Variants in AMBRA1 observed in about 807,000 individuals in gnomAD.
AMBRA1 encodes activating molecule in BECN1-regulated autophagy protein 1.
AMBRA1 carries 47 observed loss-of-function variants against 125.4 expected under a neutral mutation model. The ratio of observed to expected loss-of-function variants is 0.37; its 90% confidence interval spans 0.30 to 0.48. The LOEUF (loss-of-function observed/expected upper bound fraction) is 0.48, where lower values mean the gene tolerates loss of function less well. Among genes scored for constraint, AMBRA1 ranks in the 20% least tolerant of loss-of-function variants. The probability of loss-of-function intolerance (pLI) is 0.99; values close to 1 mark genes in which losing one functional copy is unlikely to be tolerated. For synonymous variants in AMBRA1, 626 were observed against 655.5 expected (o/e 0.95, Z 0.69); for missense variants, 1,331 against 1,693.4 (o/e 0.79, Z 3.76).
At chr11:46,521,683 G>A (rs915928319) in intron 7 of AMBRA1, among the ~76,000 whole-genome samples, 5 of 152,344 alleles carry the variant, frequency 3.3e-5, no homozygotes, top group East Asian at 1.9e-4. Context: ...AGCAATTATC[G>A]TTTAAGTTAT....
intron 1 of AMBRA1, among the ~76,000 whole-genome samples, chr11:46,584,399 G>T (rs1446514133): frequency 1.4e-5 from 2 of 146,138 alleles, no homozygotes; most frequent in Admixed American, 6.8e-5. Flanking sequence ...GGGAGGGATA[G>T]CATTAGGAGA....
intron 17 of AMBRA1, among the ~76,000 whole-genome samples, chr11:46,406,076 CAG>C (rs1347512936): frequency 6.6e-6 from 1 of 151,284 alleles, no homozygotes; most frequent in African/African-American, 2.4e-5. Flanking sequence ...ATTTTTGAGA[CAG>C]AGTCTTGCTT....
Position 46,542,913 on chromosome 11 carries a change from CG to C in AMBRA1, c.1103del (p.Pro368ArgfsTer43). ...TGCTCTGGACTGTACTGAAGGCAGA[CG>C]GCCGGTTCAGGAGGCCCTGGTCCTG... ...TQQDQGLLNR[P>X]SAFSTVQSST... is the part of the protein sequence containing the mutation. On this transcript the variant is annotated frameshift_variant, in exon 7 of 18. Coordinates refer to ENST00000683756, the MANE Select transcript of AMBRA1 (RefSeq NM_001387011.1). LOFTEE classifies it high-confidence loss of function. This position sits in a 1 kb window ranked among gnomAD's most constrained non-coding sequence, Gnocchi z 5.9. 6.2e-7 allele frequency: 1 copy of C among 1,611,814 alleles called. No homozygotes were observed. The highest frequency in any genetic ancestry group is 8.5e-7 in the Non-Finnish European group (1 of 1,179,960).
chr11:46,443,564 G>A lies in AMBRA1; in HGVS notation c.2556C>T (p.Ala852=). 1.2e-6 allele frequency: 2 copies of A among 1,614,126 alleles called. No homozygotes were observed. The highest frequency in any genetic ancestry group is 1.1e-5 in the South Asian group (1 of 91,066). The change falls in exon 12 of 18, where the codon GCC becomes GCT. Residue 852 remains alanine, a synonymous_variant. Transcript: ENST00000683756. ...AVIGDGQSAV[A]SNIANTTYRL... ...GGTAGGTAGTATTGGCAATGTTACT[G>A]GCCACAGCAGACTGTCCATCACCGA... is the stretch of plus-strand genomic sequence containing the variant.
intron 9 of AMBRA1, chr11:46,495,466 T>A (rs759567256): frequency 6.6e-6 from 1 of 152,266 alleles, no homozygotes; most frequent in Non-Finnish European, 1.5e-5. Context: ...TATTGGAAGC[T>A]GATCCATTGA....
chr11:46,427,990 C>G (rs2136686895), intron 14 of AMBRA1, among the ~76,000 whole-genome samples: 1 of 113,190 alleles, frequency 8.8e-6, no homozygotes, highest in Non-Finnish European at 1.7e-5. Context: ...GCCTGGGCGA[C>G]AGAGGGAGAC....
At chr11:46,493,984 G>A in intron 10 of AMBRA1, 140 bp downstream of exon 10, 2 of 801,966 alleles carry the variant, frequency 2.5e-6, no homozygotes, top group Non-Finnish European at 4.0e-6. Context: ...TCCGTCAAGA[G>A]TTTAGACAGC....
At chr11:46,581,329 C>T (rs781061826) in intron 1 of AMBRA1, among the ~76,000 whole-genome samples, 9 of 151,934 alleles carry the variant, frequency 5.9e-5, no homozygotes, top group Non-Finnish European at 7.4e-5. Context: ...AAAAATTAGG[C>T]CAGGCGCAGT....
At chr11:46,557,243 G>T (rs1048328093) in intron 1 of AMBRA1, among the ~76,000 whole-genome samples, 1 of 150,290 alleles carries the variant, frequency 6.7e-6, no homozygotes, top group East Asian at 2.0e-4. Context: ...AGAGGTTGCA[G>T]TGAGCCGAGA....
chr11:46,431,222 T>C (rs916943446), intron 14 of AMBRA1, among the ~76,000 whole-genome samples: 10 of 152,194 alleles, frequency 6.6e-5, no homozygotes, highest in Non-Finnish European at 1.2e-4. Context: ...ATGGGAACTT[T>C]CTAGGTACTT....
chr11:46,507,402 T>A (rs1052354790), intron 9 of AMBRA1, among the ~76,000 whole-genome samples: 4 of 137,136 alleles, frequency 2.9e-5, no homozygotes, highest in African/African-American at 8.3e-5. Flanking sequence ...TGGCGTGAAC[T>A]CGGGAGGCGG....
chr11:46,451,423 A>G (rs570289360), intron 11 of AMBRA1, among the ~76,000 whole-genome samples: 1 of 152,294 alleles, frequency 6.6e-6, no homozygotes, highest in East Asian at 1.9e-4. Context: ...CTTCTCTCAG[A>G]AACTCTTCTC....
chr11:46,444,218 C>A (rs1948166559), intron 11 of AMBRA1, among the ~76,000 whole-genome samples: 1 of 152,166 alleles, frequency 6.6e-6, no homozygotes, highest in African/African-American at 2.4e-5. Context: ...AATTTATGAG[C>A]CTCACTTTGT....
intron 14 of AMBRA1, among the ~76,000 whole-genome samples, chr11:46,421,019 C>G (rs142845246): frequency 6.6e-6 from 1 of 152,306 alleles, no homozygotes; most frequent in East Asian, 1.9e-4. Flanking sequence ...AAGCCTCTGT[C>G]ACAAATTTAC....
intron 16 of AMBRA1, 89 bp from the exon 17 acceptor site, chr11:46,408,795 C>G: frequency 7.9e-7 from 1 of 1,268,396 alleles, no homozygotes. Context: ...ATCCTCAGGG[C>G]AGTGTGGGCC....
At chr11:46,560,352 C>A (rs1281173268) in intron 1 of AMBRA1, among the ~76,000 whole-genome samples, 1 of 152,142 alleles carries the variant, frequency 6.6e-6, no homozygotes, top group Non-Finnish European at 1.5e-5. Context: ...TGAGTAAATT[C>A]TAATTACTGT....
intron 6 of AMBRA1, 94 bp downstream of exon 6, chr11:46,543,881 T>C: frequency 2.9e-6 from 3 of 1,027,772 alleles, no homozygotes; most frequent in Middle Eastern, 2.1e-4. Context: ...GACTTGGGTA[T>C]TGAGAATTAA....
At chr11:46,541,055 G>A (rs547717314) in intron 7 of AMBRA1, among the ~76,000 whole-genome samples, 1 of 152,356 alleles carries the variant, frequency 6.6e-6, no homozygotes, top group South Asian at 2.1e-4. Flanking sequence ...AGGATGTAAT[G>A]CAGCGCAATA....
At chr11:46,426,180 G>A (rs1020416657) in intron 14 of AMBRA1, among the ~76,000 whole-genome samples, 5 of 152,158 alleles carry the variant, frequency 3.3e-5, no homozygotes, top group African/African-American at 1.2e-4. Flanking sequence ...TGAGTAATGG[G>A]CTGTTACAGT....
Sources: allele counts gnomAD v4.1 joint callset (sites outside exome capture counted in the v4.1 genomes callset), GRCh38; gene constraint gnomAD v4.1.1; non-coding constraint Gnocchi (gnomAD v3.1); transcripts MANE v1.5; gene names NCBI Gene and HGNC (gene_info 2026-07-23, HGNC 2026-07-21).